The following COL1A2 variants were observed in gnomAD, a reference collection of about 807,000 sequenced individuals.
The protein encoded by COL1A2 is collagen type I alpha 2 chain.
COL1A2 carries 49 observed loss-of-function variants against 174.3 expected under a neutral mutation model. The observed-to-expected ratio is 0.28, with a 90% CI of 0.22 to 0.36. The LOEUF (loss-of-function observed/expected upper bound fraction) is 0.36. COL1A2 is among the 10% of genes least tolerant of loss of function. The probability of loss-of-function intolerance (pLI) is 1.00; values close to 1 mark genes in which losing one functional copy is unlikely to be tolerated. For synonymous variants in COL1A2, 655 were observed against 606.6 expected, an observed-to-expected ratio of 1.08 and a Z score of -1.17; for missense variants, 1,438 against 1,822.7, an observed-to-expected ratio of 0.79 and a Z score of 3.84.
At chr7:94,410,116 A>C in intron 19 of COL1A2, 126 bp from the exon 20 acceptor site, 1 of 946,206 alleles carries the variant, frequency 1.1e-6, no homozygotes, top group Non-Finnish European at 1.7e-6. Flanking sequence ...AAATATGAAC[A>C]GGGTACATTT....
Position 94,412,599 on chromosome 7 carries a change from G to C in COL1A2, c.1420G>C (p.Asp474His). The change falls in exon 25 of 52, where the codon GAC becomes CAC. Residue 474 changes from aspartate to histidine, a missense_variant. Coordinates refer to ENST00000297268, the MANE Select transcript of COL1A2 (RefSeq NM_000089.4). ...KEGPVGLPGI[D>H]GRPGPIGPAG... ...CTGCTTTCAGGGCCTCCCTGGCATC[G>C]ACGGCAGGCCTGGCCCAATTGGCCC... is the stretch of plus-strand genomic sequence containing the variant. The C allele has an allele frequency of 6.2e-7, 1 of 1,613,866 alleles. No individual in the cohort carries two copies. The highest frequency in any genetic ancestry group is 8.5e-7 in the Non-Finnish European group (1 of 1,179,886).
In COL1A2 at chr7:94,395,115, G is replaced by T. The variant is rs1002844097; in HGVS notation, c.70+14G>T. ...CAACATGCCAATGTAAGTGCCTTCA[G>T]CTTGTTTGGGGGAGACTGGGTAGAG... On this transcript the variant is annotated intron_variant, in intron 1 of 51. Transcript: ENST00000297268. 1 of 1,612,804 alleles carries T rather than the reference G, an allele frequency of 6.2e-7. No individual in the cohort carries two copies. Among genetic ancestry groups the T allele is most frequent in the South Asian group, 1.1e-5 (1 of 91,042 alleles).
chr7:94,421,330 G>A (rs1420878116), intron 38 of COL1A2: 11 of 533,092 alleles, frequency 2.1e-5, no homozygotes, highest in East Asian at 1.0e-4. Context: ...TCCTTTTGGC[G>A]TTTATTAATA....
chr7:94,413,448 G>C (rs931707426), intron 26 of COL1A2, among the ~76,000 whole-genome samples: 1 of 152,070 alleles, frequency 6.6e-6, no homozygotes, highest in East Asian at 1.9e-4. Context: ...CGCATACTTC[G>C]CTTGAGTCAT....
At chr7:94,409,541 T>G (rs1333364636) in intron 17 of COL1A2, 23 bp from the exon 18 acceptor site, 1 of 1,614,164 alleles carries the variant, frequency 6.2e-7, no homozygotes. Context: ...ACTGATATCC[T>G]TCTCCTTTCC....
intron 24 of COL1A2, 24 bp downstream of exon 24, chr7:94,412,145 A>G: frequency 2.5e-6 from 4 of 1,604,462 alleles, no homozygotes; most frequent in African/African-American, 2.7e-5. Flanking sequence ...ATTTTCCATT[A>G]TATTTTCAAG....
rs542203258 is a variant in COL1A2 at position 94,422,462 on chromosome 7, A to G, written c.2404-495A>G. 29 of 162,280 alleles carry G rather than the reference A, an allele frequency of 1.8e-4. No homozygotes were observed. In the South Asian group the frequency reaches 4.4e-3, roughly 25 times the overall value. 10.1% of individuals were successfully genotyped at this position (162,280 alleles called of 1,614,324 possible). On this transcript the variant is annotated intron_variant, in intron 39 of 51. Transcript: ENST00000297268. ...GATGTTGATTTCTTGGAATCCTTTT[A>G]CAGGTTCATAACAGAAAAATCTTCA...
Position 94,419,479 on chromosome 7 carries a change from G to C in COL1A2, c.2026-19G>C, listed in dbSNP as rs546549922. On this transcript the variant is annotated intron_variant, in intron 33 of 51. Coordinates refer to ENST00000297268, the MANE Select transcript of COL1A2 (RefSeq NM_000089.4). ...ATACGGGGTGTTATTAATAAGACATGTTTCCTTTTTGGTACTAGGGTGCTC... is the reference window on the plus strand; with the variant it reads ...ATACGGGGTGTTATTAATAAGACATCTTTCCTTTTTGGTACTAGGGTGCTC... 1 of 1,613,886 alleles carries C rather than the reference G, an allele frequency of 6.2e-7. No homozygotes were observed. Among genetic ancestry groups the C allele is most frequent in the Non-Finnish European group, 8.5e-7 (1 of 1,179,850 alleles).
In COL1A2 at chr7:94,410,890, G is replaced by C. The variant is rs1215651130; in HGVS notation, c.1199G>C (p.Gly400Ala). The C allele has an allele frequency of 4.3e-6, 7 of 1,613,920 alleles. 1 individual carries two copies. The highest frequency in any genetic ancestry group is 5.9e-6 in the Non-Finnish European group (7 of 1,179,848). Residue 400 changes from glycine (G) to alanine (A), a missense_variant and splice_region_variant, in exon 22 of 52, where the codon GGT becomes GCT. By Grantham distance (60) the Gly-to-Ala change is moderately conservative. Around this residue, in one of 3 missense-constraint regions of COL1A2, gnomAD observed 867 missense variants for 1,213.7 expected, o/e 0.71. Coordinates refer to ENST00000297268, the MANE Select transcript of COL1A2 (RefSeq NM_000089.4). ...AGPPGPPGLR[G>A]SPGSRGLPGA... ...TCTATTTCATGTACTTTCTTGCAGG[G>C]TAGTCCTGGTTCTCGTGGTCTTCCT...
At position 94,424,227 on chromosome 7, in the gene COL1A2, C is replaced by G. The variant is rs1377702480; in HGVS notation, c.2566-109C>G. The G allele has an allele frequency of 1.3e-5, 11 of 869,440 alleles. 1 individual carries two copies. The highest frequency in any genetic ancestry group is 1.9e-5 in the Non-Finnish European group (10 of 515,856). The allele number at this position is 869,440 out of a possible 1,614,324, so 53.9% of individuals were successfully genotyped here. A position where few individuals can be genotyped will look rare whatever the true frequency, so the allele number is the denominator to read the frequency against. On this transcript the variant is annotated intron_variant, in intron 40 of 51. Transcript: ENST00000297268. The stretch of plus-strand genomic sequence containing the variant: ...AGGATATGTCCTAGTAATAGGAGGT[C>G]ATTAGCCTTTTTCTAAGCTGAAGAC...
chr7:94,401,723 C>G, intron 6 of COL1A2, 103 bp downstream of exon 6: 1 of 711,858 alleles, frequency 1.4e-6, no homozygotes, highest in Non-Finnish European at 2.4e-6. Context: ...AGTTAACACT[C>G]AATACTTAGA....
chr7:94,426,403 A>T lies in COL1A2; in HGVS notation c.2998-20A>T. 1 of 1,559,974 alleles carries T rather than the reference A, an allele frequency of 6.4e-7. No homozygotes were observed. The highest frequency in any genetic ancestry group is 8.7e-7 in the Non-Finnish European group (1 of 1,146,584). On this transcript the variant is annotated intron_variant, in intron 45 of 51. Coordinates refer to ENST00000297268, the MANE Select transcript of COL1A2 (RefSeq NM_000089.4). ...TTTTTTAAAACGGTAAGTCTTATCC[A>T]TCCTTCTGTTTCTTTATAGGGCCCA... is the stretch of plus-strand genomic sequence containing the variant.
In COL1A2 at chr7:94,428,132, G is replaced by A. The variant is rs577909300; in HGVS notation, c.3527-161G>A. 3.3e-5 allele frequency among the ~76,000 whole-genome samples: 5 copies of A among 152,218 alleles called. No individual in the cohort carries two copies. In the South Asian group the frequency reaches 1.0e-3, roughly 32 times the overall value. ...TTTTTCATGGAGGAGGGGAGGGAAGGAACTGTCTAATCTTAAAAATAGCCA... is the reference window on the plus strand; with the variant it reads ...TTTTTCATGGAGGAGGGGAGGGAAGAAACTGTCTAATCTTAAAAATAGCCA... On this transcript the variant is annotated intron_variant, in intron 49 of 51. Coordinates refer to ENST00000297268, the MANE Select transcript of COL1A2 (RefSeq NM_000089.4).
Position 94,409,370 on chromosome 7 carries a change from C to A in COL1A2, c.841C>A (p.Pro281Thr), listed in dbSNP as rs934690138. Residue 281 changes from proline (P) to threonine (T), a missense_variant, in exon 17 of 52, where the codon CCC (proline) becomes ACC (threonine). By Grantham distance (38) the Pro-to-Thr change is conservative (BLOSUM62 -1). Around this residue, in one of 3 missense-constraint regions of COL1A2, gnomAD observed 867 missense variants for 1,213.7 expected, o/e 0.71. Transcript: ENST00000297268. Reference sequence around the variant, plus strand: ...CGCTGGTCCTGCTGGTCCCGCCGGTCCCCGTGGTGAAGTGGGTCTTCCAGG... The same window carrying A: ...CGCTGGTCCTGCTGGTCCCGCCGGTACCCGTGGTGAAGTGGGTCTTCCAGG... ...GNAGPAGPAGPRGEVGLPGLS... is the reference protein window; with the variant it reads ...GNAGPAGPAGTRGEVGLPGLS... The A allele has an allele frequency of 1.9e-6, 3 of 1,614,170 alleles. No homozygotes were observed. Among genetic ancestry groups the A allele is most frequent in the Non-Finnish European group, 2.5e-6 (3 of 1,180,030 alleles).
chr7:94,407,755 G>C (rs1791831942), intron 12 of COL1A2, 92 bp from the exon 13 acceptor site: 1 of 1,093,374 alleles, frequency 9.1e-7, no homozygotes. Context: ...GTATATGAAT[G>C]GTTCAAAGTA....
intron 27 of COL1A2, 47 bp downstream of exon 27, chr7:94,413,790 T>C: frequency 6.2e-7 from 1 of 1,611,326 alleles, no homozygotes; most frequent in Admixed American, 1.7e-5. Context: ...AGAATGTATA[T>C]AGTCCTCAAA....
chr7:94,408,159 T>C (rs201859508), intron 13 of COL1A2, 24 bp from the exon 14 acceptor site: 6 of 1,612,840 alleles, frequency 3.7e-6, no homozygotes, highest in Non-Finnish European at 2.5e-6. Flanking sequence ...TTCTGGATTT[T>C]ATTGAAAATA....
intron 1 of COL1A2, chr7:94,395,459 C>G (rs1220030313): frequency 2.8e-6 from 1 of 363,248 alleles, no homozygotes; most frequent in Non-Finnish European, 5.3e-6. Context: ...CCCCACAGGC[C>G]CCATAACCGC....
intron 33 of COL1A2, 108 bp from the exon 34 acceptor site, chr7:94,419,390 C>A: frequency 8.0e-7 from 1 of 1,252,530 alleles, no homozygotes; most frequent in Non-Finnish European, 1.2e-6. Flanking sequence ...AACCAGAGTG[C>A]AGTGAAAGTG....
Sources: allele counts gnomAD v4.1 joint callset (sites outside exome capture counted in the v4.1 genomes callset), GRCh38; gene constraint gnomAD v4.1.1; regional missense constraint gnomAD v4.1.1; transcripts MANE v1.5; gene names NCBI Gene and HGNC (gene_info 2026-07-23, HGNC 2026-07-21).